The following WWC1 variants were observed in gnomAD, a reference collection of about 807,000 sequenced individuals.
WWC1 encodes the protein WW and C2 domain containing 1, also known as protein KIBRA.
Under a neutral mutation model 138.4 loss-of-function variants are expected in WWC1, and 55 were observed. The observed-to-expected ratio is 0.40, with a 90% CI of 0.32 to 0.50. The LOEUF (loss-of-function observed/expected upper bound fraction) is 0.50, where lower values mean the gene tolerates loss of function less well. Among genes scored for constraint, WWC1 ranks in the 20% least tolerant of loss-of-function variants. WWC1 has a pLI of 0.72. For synonymous variants in WWC1, 524 were observed against 564.9 expected (o/e 0.93, Z 1.03); for missense variants, 1,226 against 1,420.4 (o/e 0.86, Z 2.20).
At position 168,423,149 on chromosome 5, in the gene WWC1, C is replaced by A. The variant is rs1014018267; in HGVS notation, c.1275-384C>A. 5.1e-3 allele frequency among the ~76,000 whole-genome samples: 362 copies of A among 71,344 alleles called. 2 individuals carry two copies. Among genetic ancestry groups the A allele is most frequent in the African/African-American group, 0.017 (272 of 16,336 alleles). 46.8% of individuals were successfully genotyped at this position (71,344 alleles called of 152,430 possible). On this transcript the variant is annotated intron_variant, in intron 10 of 22. Coordinates refer to ENST00000265293, the MANE Select transcript of WWC1 (RefSeq NM_015238.3). ...GACAGAGCAAGACTCCATCCCCCCC[C>A]AAAAAAAAAAAAAAAAAAAAAAACA...
chr5:168,297,367 C>T (rs1769630080), intron 1 of WWC1, among the ~76,000 whole-genome samples: 1 of 152,176 alleles, frequency 6.6e-6, no homozygotes, highest in South Asian at 2.1e-4. Context: ...TGGCTCATGC[C>T]TATAATCCCA....
intron 5 of WWC1, among the ~76,000 whole-genome samples, chr5:168,399,960 T>G (rs1779190335): frequency 2.0e-5 from 3 of 152,190 alleles, no homozygotes; most frequent in Non-Finnish European, 4.4e-5. Context: ...CTTTTTTCCA[T>G]ATCCCCTAAA....
intron 1 of WWC1, among the ~76,000 whole-genome samples, chr5:168,342,549 G>T (rs984460378): frequency 6.6e-6 from 1 of 152,178 alleles, no homozygotes; most frequent in Admixed American, 6.5e-5. Flanking sequence ...TGTGGACTTC[G>T]TGGAGGCCCT....
intron 3 of WWC1, 107 bp downstream of exon 3, chr5:168,385,521 C>T: frequency 1.7e-6 from 2 of 1,160,582 alleles, no homozygotes; most frequent in Admixed American, 4.7e-5. Context: ...TTCACCTCTA[C>T]TCTTTGTCCA....
At chr5:168,420,062 C>A (rs1780967004) in intron 9 of WWC1, among the ~76,000 whole-genome samples, 1 of 152,218 alleles carries the variant, frequency 6.6e-6, no homozygotes, top group Non-Finnish European at 1.5e-5. Context: ...TGTTGCCAGT[C>A]CATCCAACCT....
chr5:168,337,686 A>G (rs13155896), intron 1 of WWC1, among the ~76,000 whole-genome samples: 115,413 of 152,088 alleles, frequency 0.76, 45,594 homozygotes, highest in East Asian at 1. Context: ...GGTAAGGGAG[A>G]CAGAAATTCA....
intron 16 of WWC1, among the ~76,000 whole-genome samples, chr5:168,443,056 T>G (rs904592503): frequency 3.1e-5 from 4 of 130,802 alleles, no homozygotes. Context: ...TGGACTCCTA[T>G]GGGATCCCGA....
Position 168,465,548 on chromosome 5 carries a change from C to CTTTTTTTTTTTTTTTTT in WWC1, c.3150+598_3150+614dup, listed in dbSNP as rs10527141. 9.1e-3 allele frequency among the ~76,000 whole-genome samples: 428 copies of CTTTTTTTTTTTTTTTTT among 46,952 alleles called. 202 individuals are homozygous for CTTTTTTTTTTTTTTTTT. Among genetic ancestry groups the CTTTTTTTTTTTTTTTTT allele is most frequent in the Middle Eastern group, 0.083 (4 of 48 alleles). The allele number at this position is 46,952 out of a possible 152,430, so 30.8% of individuals were successfully genotyped here. A position where few individuals can be genotyped will look rare whatever the true frequency, so the allele number is the denominator to read the frequency against. On this transcript the variant is annotated intron_variant, in intron 21 of 22. Coordinates refer to ENST00000265293, the MANE Select transcript of WWC1 (RefSeq NM_015238.3). ...CACACAAAGTTTTATATCAGCTGGG[C>CTTTTTTTTTTTTTTTTT]TTTTTTTTTTTTTTTTTTTTTTTTT...
At chr5:168,395,224 C>T (rs549223904) in intron 3 of WWC1, among the ~76,000 whole-genome samples, 1 of 152,204 alleles carries the variant, frequency 6.6e-6, no homozygotes, top group African/African-American at 2.4e-5. Flanking sequence ...CATTGCCCCA[C>T]AGTACAGACC....
chr5:168,421,969 C>T, intron 9 of WWC1, 39 bp from the exon 10 acceptor site: 11 of 1,579,848 alleles, frequency 7.0e-6, no homozygotes, highest in Non-Finnish European at 9.5e-6. Context: ...GCCTGTGCTT[C>T]CTTTTGGTGC....
At chr5:168,333,154 A>C (rs998373289) in intron 1 of WWC1, among the ~76,000 whole-genome samples, 1 of 152,244 alleles carries the variant, frequency 6.6e-6, no homozygotes, top group South Asian at 2.1e-4. Flanking sequence ...CTGAAAGCCA[A>C]CTGGCATCTG....
At chr5:168,417,408 G>A (rs1216955643) in intron 9 of WWC1, among the ~76,000 whole-genome samples, 3 of 152,082 alleles carry the variant, frequency 2.0e-5, no homozygotes, top group African/African-American at 4.8e-5. Flanking sequence ...TATACCACAT[G>A]TAAAAGCTCC....
chr5:168,442,785 C>T (rs1425194783), intron 16 of WWC1, among the ~76,000 whole-genome samples: 1 of 145,638 alleles, frequency 6.9e-6, no homozygotes, highest in East Asian at 2.0e-4. Flanking sequence ...TGCAGTGAGC[C>T]AAGATTACAC....
intron 10 of WWC1, among the ~76,000 whole-genome samples, chr5:168,423,293 G>A (rs973744394): frequency 1.3e-5 from 2 of 152,024 alleles, no homozygotes; most frequent in Admixed American, 1.3e-4. Flanking sequence ...CACAGATTTA[G>A]AGGAAAAAGT....
At chr5:168,371,367 T>A in intron 1 of WWC1, 57 bp from the exon 2 acceptor site, 1 of 1,327,180 alleles carries the variant, frequency 7.5e-7, no homozygotes, top group Non-Finnish European at 1.1e-6. Flanking sequence ...AAGCAGCAGG[T>A]TGCAGGCATT....
chr5:168,466,247 G>A (rs1757285355), intron 21 of WWC1, among the ~76,000 whole-genome samples: 1 of 152,092 alleles, frequency 6.6e-6, no homozygotes, highest in South Asian at 2.1e-4. Context: ...AAGCCAACAG[G>A]TCCCAGACTG....
chr5:168,382,180 G>T (rs1257669414), intron 2 of WWC1, among the ~76,000 whole-genome samples: 3 of 152,170 alleles, frequency 2.0e-5, no homozygotes, highest in Non-Finnish European at 2.9e-5. Context: ...AAAAGATGGT[G>T]CACCTACAGG....
At chr5:168,373,859 A>G (rs1776955571) in intron 2 of WWC1, among the ~76,000 whole-genome samples, 1 of 151,868 alleles carries the variant, frequency 6.6e-6, no homozygotes, top group Admixed American at 6.6e-5. Flanking sequence ...ATTCTGGCTA[A>G]CAGAGTGAAA....
intron 3 of WWC1, among the ~76,000 whole-genome samples, chr5:168,392,141 A>G (rs1387867653): frequency 2.6e-5 from 4 of 152,100 alleles, no homozygotes; most frequent in Non-Finnish European, 1.5e-5. Context: ...AGAGGGTAAA[A>G]TAGAGTCTCT....
Sources: gnomAD v4.1 joint callset for allele counts (sites outside exome capture counted in the v4.1 genomes callset) on GRCh38, gnomAD v4.1.1 for gene constraint, MANE v1.5 for transcripts, NCBI Gene and HGNC (gene_info 2026-07-23, HGNC 2026-07-21) for gene names.